Variants in PKIB observed in about 807,000 individuals in gnomAD.
PKIB encodes the protein cAMP-dependent protein kinase inhibitor beta, also known as PKI-beta.
In PKIB, 2 loss-of-function variants were observed where a neutral mutation model predicts 4.5. That is an observed-to-expected ratio of 0.44 (90% CI 0.18 to 1.39). The LOEUF is 1.39. Ranked by LOEUF, PKIB falls within the 40% of genes most tolerant of loss-of-function variation. The pLI is 0.27. For synonymous variants in PKIB, 38 were observed against 36.0 expected (o/e 1.06, Z -0.20); for missense variants, 94 against 92.6 (o/e 1.02, Z -0.06).
intron 3 of PKIB, among the ~76,000 whole-genome samples, chr6:122,595,012 C>T (rs140944010): frequency 2.6e-5 from 4 of 152,242 alleles, no homozygotes; most frequent in Non-Finnish European, 4.4e-5. Context: ...TTAATGGGAT[C>T]GTTGTTGCAA....
At chr6:122,689,136 C>T (rs912133915) in intron 3 of PKIB, among the ~76,000 whole-genome samples, 64 of 152,116 alleles carry the variant, frequency 4.2e-4, no homozygotes, top group Admixed American at 1.0e-3. Flanking sequence ...ATCTCTAATT[C>T]TATTTATTTG....
At chr6:122,528,605 C>G (rs557564467) in intron 2 of PKIB, among the ~76,000 whole-genome samples, 29 of 152,216 alleles carry the variant, frequency 1.9e-4, no homozygotes, top group Admixed American at 1.3e-3. Flanking sequence ...GAACGTTAAT[C>G]TGTGGGCCAA....
At chr6:122,519,788 G>A (rs543461013) in intron 2 of PKIB, among the ~76,000 whole-genome samples, 18 of 152,156 alleles carry the variant, frequency 1.2e-4, no homozygotes, top group African/African-American at 3.4e-4. Flanking sequence ...AATAAATGTT[G>A]TCCTCAAAAA....
intron 2 of PKIB, among the ~76,000 whole-genome samples, chr6:122,634,509 G>A (rs1480377411): frequency 6.6e-6 from 1 of 152,066 alleles, no homozygotes; most frequent in Non-Finnish European, 1.5e-5. Flanking sequence ...GAGAACCCAA[G>A]GTCAGCTGCA....
At chr6:122,561,580 T>C (rs576771093) in intron 2 of PKIB, among the ~76,000 whole-genome samples, 5 of 152,016 alleles carry the variant, frequency 3.3e-5, no homozygotes, top group Middle Eastern at 3.4e-3. Context: ...TTTTTTTTTA[T>C]AAATTTGGGA....
rs565340993 is a variant in PKIB at position 122,663,479 on chromosome 6, A to G, written c.-75-11599A>G. 3.9e-5 allele frequency among the ~76,000 whole-genome samples: 6 copies of G among 152,224 alleles called. No individual in the cohort carries two copies. The East Asian group carries it at 9.7e-4, about 25-fold the overall frequency. Reference sequence around the variant, plus strand: ...ACCACAAACTGGGCGGCTTAAAACAAAGGAAATTTATTTGCTCATAGTTCT... The same window carrying G: ...ACCACAAACTGGGCGGCTTAAAACAGAGGAAATTTATTTGCTCATAGTTCT... On this transcript the variant is annotated intron_variant, in intron 2 of 4. Coordinates refer to ENST00000368452, the MANE Select transcript of PKIB (RefSeq NM_181795.3).
chr6:122,715,940 A>G (rs760325042), intron 3 of PKIB, among the ~76,000 whole-genome samples: 2 of 152,044 alleles, frequency 1.3e-5, no homozygotes, highest in Non-Finnish European at 2.9e-5. Flanking sequence ...CTGACCCCCC[A>G]GTTTCCACAT....
chr6:122,637,748 C>T (rs1775980229), intron 2 of PKIB, among the ~76,000 whole-genome samples: 1 of 131,214 alleles, frequency 7.6e-6, no homozygotes, highest in South Asian at 2.2e-4. Flanking sequence ...GAGCAAGACT[C>T]CGTCTCAAAA....
At chr6:122,542,843 C>T (rs62424322) in intron 2 of PKIB, among the ~76,000 whole-genome samples, 13,789 of 152,186 alleles carry the variant, frequency 0.091, 823 homozygotes, top group South Asian at 0.14. Flanking sequence ...AGGCAGGCCT[C>T]CTTGAGCTGT....
At chr6:122,531,327 C>A (rs1173201883) in intron 2 of PKIB, 1 of 152,028 alleles carries the variant, frequency 6.6e-6, no homozygotes, top group Non-Finnish European at 1.5e-5. Flanking sequence ...TGTTCTATGA[C>A]AAGAGAAAAG....
chr6:122,529,514 G>A (rs564473122), intron 2 of PKIB, among the ~76,000 whole-genome samples: 1 of 152,166 alleles, frequency 6.6e-6, no homozygotes, highest in East Asian at 1.9e-4. Context: ...CTTTACGAGA[G>A]TACCTTATAT....
At chr6:122,584,623 G>C (rs954155114) in intron 2 of PKIB, among the ~76,000 whole-genome samples, 12 of 152,026 alleles carry the variant, frequency 7.9e-5, no homozygotes, top group Non-Finnish European at 1.6e-4. Flanking sequence ...CAGTTTTAAT[G>C]AACAGAACTG....
chr6:122,486,015 G>A (rs1213197364), intron 2 of PKIB, among the ~76,000 whole-genome samples: 1 of 152,188 alleles, frequency 6.6e-6, no homozygotes, highest in Non-Finnish European at 1.5e-5. Flanking sequence ...CATATTCATA[G>A]ACACATACAC....
intron 2 of PKIB, among the ~76,000 whole-genome samples, chr6:122,551,126 T>A (rs1302102200): frequency 6.6e-6 from 1 of 152,208 alleles, no homozygotes; most frequent in Non-Finnish European, 1.5e-5. Flanking sequence ...TTCATCTCTC[T>A]TGTTAGCACT....
At chr6:122,492,058 G>A (rs1297606649) in intron 2 of PKIB, among the ~76,000 whole-genome samples, 6 of 152,130 alleles carry the variant, frequency 3.9e-5, no homozygotes, top group African/African-American at 1.4e-4. Context: ...TTATTCAGAG[G>A]CTTAAGCCAC....
At chr6:122,633,929 CCTATCTATCTATCTATCTATCTAT>C (rs61254507) in intron 2 of PKIB, among the ~76,000 whole-genome samples, 1 of 145,868 alleles carries the variant, frequency 6.9e-6, no homozygotes, top group African/African-American at 2.6e-5. Flanking sequence ...AGATATCTGT[CCTATCTATCTATCTATCTATCTAT>C]CTATCTATCT....
chr6:122,637,416 A>G (rs905671769), intron 2 of PKIB, among the ~76,000 whole-genome samples: 9 of 152,172 alleles, frequency 5.9e-5, no homozygotes, highest in Admixed American at 5.9e-4. Flanking sequence ...GGCACACAGC[A>G]TCACAGAAAT....
chr6:122,613,764 G>GTTC lies in PKIB; in HGVS notation c.-161+3229_-161+3230insTTC, dbSNP rs1774864522. 2.4e-4 allele frequency among the ~76,000 whole-genome samples: 37 copies of GTTC among 152,080 alleles called. No individual in the cohort carries two copies. The South Asian group carries it at 7.7e-3, about 32-fold the overall frequency. On this transcript the variant is annotated intron_variant, in intron 1 of 4. Coordinates refer to ENST00000368452, the MANE Select transcript of PKIB (RefSeq NM_181795.3). ...GCGGATCACAAGGTCAAGAGGTAGAGACCATCCTAGCCAACATGGTGAAAC... is the reference window on the plus strand; with the variant it reads ...GCGGATCACAAGGTCAAGAGGTAGAGTTCACCATCCTAGCCAACATGGTGAAAC...
At chr6:122,528,526 G>A (rs905356844) in intron 2 of PKIB, among the ~76,000 whole-genome samples, 3 of 152,092 alleles carry the variant, frequency 2.0e-5, no homozygotes, top group African/African-American at 4.8e-5. Context: ...GCTTGCAGAC[G>A]GCTGCCATCT....
Sources: gnomAD v4.1 joint callset for allele counts (sites outside exome capture counted in the v4.1 genomes callset) on GRCh38, gnomAD v4.1.1 for gene constraint, MANE v1.5 for transcripts, NCBI Gene and HGNC (gene_info 2026-07-23, HGNC 2026-07-21) for gene names.